The following AGTPBP1 variants were observed in gnomAD, a reference collection of about 807,000 sequenced individuals.
The protein encoded by AGTPBP1 is ATP/GTP binding carboxypeptidase 1.
A neutral mutation model predicts 143.9 loss-of-function variants in AGTPBP1; 70 were observed. That is an observed-to-expected ratio of 0.49 (90% CI 0.40 to 0.59). The LOEUF (loss-of-function observed/expected upper bound fraction) is 0.59, where lower values mean the gene tolerates loss of function less well. Among genes scored for constraint, AGTPBP1 ranks in the 20% least tolerant of loss-of-function variants. The pLI, the probability that AGTPBP1 is intolerant of heterozygous loss-of-function variation, is 0.00. For synonymous variants in AGTPBP1, 463 were observed against 500.2 expected (o/e 0.93, Z 0.99); for missense variants, 1,229 against 1,464.5 (o/e 0.84, Z 2.62).
At position 85,581,960 on chromosome 9, in the gene AGTPBP1, A is replaced by C. The variant is rs561390159; in HGVS notation, c.3166-2864T>G. 1.6e-3 allele frequency among the ~76,000 whole-genome samples: 251 copies of C among 152,190 alleles called. 1 individual carries two copies. Among genetic ancestry groups the C allele is most frequent in the African/African-American group, 4.9e-3 (203 of 41,568 alleles). The stretch of plus-strand genomic sequence containing the variant: ...CCAGCAAATATAATACAAATATTCC[A>C]AGAAAGAAAAAAAATCTGATATCTA... On this transcript the variant is annotated intron_variant, in intron 23 of 25. Coordinates refer to ENST00000357081, the MANE Select transcript of AGTPBP1 (RefSeq NM_001330701.2).
At chr9:85,608,541 T>A (rs553235100) in intron 17 of AGTPBP1, among the ~76,000 whole-genome samples, 1 of 152,004 alleles carries the variant, frequency 6.6e-6, no homozygotes, top group Non-Finnish European at 1.5e-5. Flanking sequence ...TTCTTTATTA[T>A]CTTCTTCTCA....
At chr9:85,741,750 A>T (rs1824312306) in intron 1 of AGTPBP1, 25 bp downstream of exon 1, 1 of 1,304,058 alleles carries the variant, frequency 7.7e-7, no homozygotes. Context: ...CGGCCGGGAC[A>T]TGAGGACTGC....
At position 85,557,567 on chromosome 9, in the gene AGTPBP1, T is replaced by G. The variant is rs377041366; in HGVS notation, c.3504-10281A>C. On this transcript the variant is annotated intron_variant, in intron 25 of 25. Coordinates refer to ENST00000357081, the MANE Select transcript of AGTPBP1 (RefSeq NM_001330701.2). ...AGAAATGCAAACCAGACTCAAGTTA[T>G]GTGTACCACAGCTATTAGAAAGGAA... 9.8e-5 allele frequency among the ~76,000 whole-genome samples: 15 copies of G among 152,354 alleles called. No homozygotes were observed. In the South Asian group the frequency reaches 2.9e-3, roughly 29 times the overall value.
chr9:85,564,193 C>A (rs1325758741), intron 25 of AGTPBP1, among the ~76,000 whole-genome samples: 1 of 152,264 alleles, frequency 6.6e-6, no homozygotes, highest in African/African-American at 2.4e-5. Context: ...GGAGCCTCCA[C>A]TCTAGTGTGT....
intron 13 of AGTPBP1, among the ~76,000 whole-genome samples, chr9:85,639,345 A>C (rs1296177686): frequency 6.9e-6 from 1 of 145,246 alleles, no homozygotes. Flanking sequence ...GCATACATAC[A>C]CACACCCATG....
chr9:85,770,886 G>A, the AGTPBP1 span, among the ~76,000 whole-genome samples: 1 of 151,990 alleles, frequency 6.6e-6, no homozygotes, highest in East Asian at 1.9e-4. Context: ...CTGCAGGGTA[G>A]GGGAATCTGT....
rs762528261 is a variant in AGTPBP1 at position 85,657,435 on chromosome 9, T to A, written c.909A>T (p.Gln303His). 10 of 1,606,632 alleles carry A rather than the reference T, an allele frequency of 6.2e-6. No homozygotes were observed. In the African/African-American group the frequency reaches 9.4e-5, roughly 15 times the overall value. ...NGMKILYNTS[Q>H]ECLAVRTLDP... ...CAATAATAAGAAGAAAATAACTCAC[T>A]TGCGAAGTATTATACAGAATTTTCA... The change falls in exon 10 of 26, where the codon CAA (glutamine) becomes CAT (histidine). Residue 303 changes from glutamine (Q) to histidine (H), a missense_variant and splice_region_variant. Gln to His is a conservative substitution (Grantham distance 24). Coordinates refer to ENST00000357081, the MANE Select transcript of AGTPBP1 (RefSeq NM_001330701.2).
chr9:85,716,968 C>G (rs1291823631), intron 1 of AGTPBP1, among the ~76,000 whole-genome samples: 3 of 152,202 alleles, frequency 2.0e-5, no homozygotes, highest in Admixed American at 2.0e-4. Context: ...ATGCCAGGCT[C>G]TCACTTTAGT....
chr9:85,669,869 A>T lies in AGTPBP1; in HGVS notation c.569-291T>A, dbSNP rs773339918. The stretch of plus-strand genomic sequence containing the variant: ...TATATTTCTCTAATAAATTTAGTGA[A>T]CCTCACTGAACACCAGGTTATGGGG... On this transcript the variant is annotated intron_variant, in intron 7 of 25. Coordinates refer to ENST00000357081, the MANE Select transcript of AGTPBP1 (RefSeq NM_001330701.2). Among the ~76,000 whole-genome samples the T allele has an allele frequency of 2.0e-5, 3 of 152,058 alleles. 1 individual carries two copies. The highest frequency in any genetic ancestry group is 2.9e-5 in the Non-Finnish European group (2 of 67,994).
chr9:85,619,342 C>T (rs778440860), intron 15 of AGTPBP1, 41 bp from the exon 16 acceptor site: 71 of 1,384,518 alleles, frequency 5.1e-5, no homozygotes, highest in Non-Finnish European at 1.2e-5. Context: ...AAATACATTG[C>T]ATTTAAACAG....
chr9:85,623,756 C>CAAA (rs529304682), intron 14 of AGTPBP1, among the ~76,000 whole-genome samples: 13 of 83,894 alleles, frequency 1.5e-4, no homozygotes, highest in Non-Finnish European at 2.4e-4. Context: ...GACTCTGTCT[C>CAAA]AAAAAAAAAA....
the AGTPBP1 span, chr9:85,786,447 T>C: frequency 6.2e-7 from 1 of 1,613,812 alleles, no homozygotes; most frequent in South Asian, 1.1e-5. Flanking sequence ...CCTGTAAAAC[T>C]GTGTCGAAAA....
At chr9:85,547,613 T>G (rs1390126038) in intron 25 of AGTPBP1, among the ~76,000 whole-genome samples, 1 of 152,216 alleles carries the variant, frequency 6.6e-6, no homozygotes, top group Non-Finnish European at 1.5e-5. Context: ...TAAGATTTAT[T>G]TTTTAATTCT....
At chr9:85,634,205 A>AC (rs1486871639) in intron 13 of AGTPBP1, among the ~76,000 whole-genome samples, 1 of 146,340 alleles carries the variant, frequency 6.8e-6, no homozygotes, top group African/African-American at 2.6e-5. Context: ...AAAAAAAAAA[A>AC]AAAAAAAAAA....
chr9:85,657,178 TAATAATAAAAAAAA>T (rs1283754278), intron 10 of AGTPBP1, among the ~76,000 whole-genome samples: 2 of 80,078 alleles, frequency 2.5e-5, no homozygotes, highest in Non-Finnish European at 4.7e-5. Context: ...CTTAAAAGTA[TAATAATAAAAAAAA>T]AATAATACAA....
chr9:85,629,212 T>C (rs1018388264), intron 14 of AGTPBP1, among the ~76,000 whole-genome samples: 7 of 152,184 alleles, frequency 4.6e-5, no homozygotes, highest in Non-Finnish European at 1.0e-4. Flanking sequence ...AACTCAGTGG[T>C]ATATTAGACT....
At chr9:85,551,500 A>G (rs1051329651) in intron 25 of AGTPBP1, among the ~76,000 whole-genome samples, 8 of 152,212 alleles carry the variant, frequency 5.3e-5, no homozygotes, top group Admixed American at 5.2e-4. Flanking sequence ...TGCCTTTAAG[A>G]TCAAGAACTG....
intron 12 of AGTPBP1, among the ~76,000 whole-genome samples, chr9:85,643,231 A>T (rs1026981275): frequency 9.2e-5 from 14 of 152,204 alleles, no homozygotes; most frequent in African/African-American, 2.9e-4. Context: ...AGACTCCATT[A>T]TGAAAAACAT....
the AGTPBP1 span, among the ~76,000 whole-genome samples, chr9:85,803,239 C>T: frequency 6.6e-6 from 1 of 152,136 alleles, no homozygotes; most frequent in Non-Finnish European, 1.5e-5. Context: ...TCTTAAAGAC[C>T]CTACTACCTA....
Sources: gnomAD v4.1 joint callset for allele counts (sites outside exome capture counted in the v4.1 genomes callset) on GRCh38, gnomAD v4.1.1 for gene constraint, MANE v1.5 for transcripts, NCBI Gene and HGNC (gene_info 2026-07-23, HGNC 2026-07-21) for gene names.